The following WDFY4 variants were observed in gnomAD, a reference collection of about 807,000 sequenced individuals.
WDFY4 encodes the protein WD repeat- and FYVE domain-containing protein 4.
In WDFY4, 169 loss-of-function variants were observed where a neutral mutation model predicts 351.9. That is an observed-to-expected ratio of 0.48 (90% confidence interval 0.42 to 0.55). The LOEUF (loss-of-function observed/expected upper bound fraction) is 0.55. Among genes scored for constraint, WDFY4 ranks in the 20% least tolerant of loss-of-function variants. WDFY4 has a pLI of 0.00. For missense variants in WDFY4, 3,803 were observed against 3,935.6 expected, an observed-to-expected ratio of 0.97 and a Z score of 0.90; for synonymous variants, 1,622 against 1,574.6, an observed-to-expected ratio of 1.03 and a Z score of -0.71.
chr10:48,711,999 G>A (rs971236947), intron 2 of WDFY4, among the ~76,000 whole-genome samples: 3 of 152,284 alleles, frequency 2.0e-5, no homozygotes, highest in African/African-American at 7.2e-5. Context: ...CACCGTACAG[G>A]CATGTGAGCT....
chr10:48,889,848 G>A (rs73294649), intron 43 of WDFY4, among the ~76,000 whole-genome samples: 5,052 of 152,318 alleles, frequency 0.033, 274 homozygotes, highest in African/African-American at 0.12. Flanking sequence ...CTAGGTTTGG[G>A]ATGGTTGTTT....
intron 47 of WDFY4, among the ~76,000 whole-genome samples, chr10:48,939,669 A>T (rs1429596961): frequency 6.6e-6 from 1 of 152,260 alleles, no homozygotes; most frequent in East Asian, 1.9e-4. Context: ...AAATTCACAT[A>T]GATCATTTTA....
At chr10:48,762,885 G>A (rs761656207) in intron 13 of WDFY4, among the ~76,000 whole-genome samples, 9 of 152,360 alleles carry the variant, frequency 5.9e-5, no homozygotes, top group South Asian at 4.1e-4. Context: ...TCAGGGGCTC[G>A]GCTTAGACTT....
In WDFY4 at chr10:48,860,747, A is replaced by AT. The variant is rs3080348; in HGVS notation, c.6664-6512dup. On this transcript the variant is annotated intron_variant, in intron 39 of 61. Coordinates refer to ENST00000325239, the MANE Select transcript of WDFY4 (RefSeq NM_001394531.1). ...TTTTCAATTTCATTAAATTTAATGT[A>AT]TTTTTTAAAAAATTTATTTTGAGAC... is the stretch of plus-strand genomic sequence containing the variant. Among the ~76,000 whole-genome samples the AT allele has an allele frequency of 2.6e-5, 4 of 152,300 alleles. No homozygotes were observed. The East Asian group carries it at 7.7e-4, about 29-fold the overall frequency.
chr10:48,927,501 T>C (rs908299581), intron 47 of WDFY4, among the ~76,000 whole-genome samples: 1 of 152,202 alleles, frequency 6.6e-6, no homozygotes, highest in African/African-American at 2.4e-5. Flanking sequence ...AAGTAGCAAA[T>C]GGAGTGTCTG....
intron 48 of WDFY4, among the ~76,000 whole-genome samples, chr10:48,942,807 A>G (rs1840847705): frequency 6.6e-6 from 1 of 152,052 alleles, no homozygotes; most frequent in Admixed American, 6.6e-5. Context: ...TCCATTTGTG[A>G]CTGTTCATCT....
chr10:48,936,534 G>A (rs1840369331), intron 47 of WDFY4, among the ~76,000 whole-genome samples: 1 of 152,018 alleles, frequency 6.6e-6, no homozygotes, highest in Non-Finnish European at 1.5e-5. Context: ...ATGTAAAACC[G>A]TATGAAAATT....
chr10:48,807,829 T>C, intron 27 of WDFY4, 30 bp from the exon 28 acceptor site: 1 of 1,547,232 alleles, frequency 6.5e-7, no homozygotes, highest in Non-Finnish European at 8.7e-7. Context: ...TTACATCCAT[T>C]TTCTCTCAAA....
Position 48,897,722 on chromosome 10 carries a change from T to C in WDFY4, c.7437+148T>C. 3 of 1,303,468 alleles carry C rather than the reference T, an allele frequency of 2.3e-6. No homozygotes were observed. The South Asian group carries it at 4.8e-5, about 21-fold the overall frequency. The allele number at this position is 1,303,468 out of a possible 1,614,324, so 80.7% of individuals were successfully genotyped here. A position where few individuals can be genotyped will look rare whatever the true frequency, so the allele number is the denominator to read the frequency against. On this transcript the variant is annotated intron_variant, in intron 45 of 61. Transcript: ENST00000325239. ...TGCCCTTAAGGAGACACCCGCAAGTTCCCTGGGCTTGTGGTGGCCCTGGTC... is the reference window on the plus strand; with the variant it reads ...TGCCCTTAAGGAGACACCCGCAAGTCCCCTGGGCTTGTGGTGGCCCTGGTC...
rs201015121 is a variant in WDFY4, at chr10:48,727,594, C to T, written c.906C>T (p.Ser302=). The T allele has an allele frequency of 6.3e-5, 98 of 1,551,904 alleles. No individual in the cohort carries two copies. The South Asian group carries it at 1.1e-3, about 17-fold the overall frequency. ...LGFVKDSYPV[S]SALFLEFENS... The stretch of plus-strand genomic sequence containing the variant: ...TCGTGAAGGACTCCTACCCCGTCTC[C>T]TCGGCTCTGTTCCTGGAGTTTGAGA... Residue 302 remains serine, a synonymous_variant, in exon 7 of 62, where the codon TCC becomes TCT. Coordinates refer to ENST00000325239, the MANE Select transcript of WDFY4 (RefSeq NM_001394531.1).
intron 6 of WDFY4, 77 bp from the exon 7 acceptor site, chr10:48,727,393 G>C: frequency 7.2e-7 from 1 of 1,385,660 alleles, no homozygotes; most frequent in Non-Finnish European, 9.9e-7. Context: ...GTTTGGAGTA[G>C]GGGAGGTAGG....
In WDFY4 at chr10:48,806,114, G is replaced by C. The variant is rs1303565739; in HGVS notation, c.4738+19G>C. Reference sequence around the variant, plus strand: ...CTGCCTGGTGAGAAGACCTTTGCCAGTTCGAAGGCAGTAGGACGGCCCTCA... The same window carrying C: ...CTGCCTGGTGAGAAGACCTTTGCCACTTCGAAGGCAGTAGGACGGCCCTCA... On this transcript the variant is annotated intron_variant, in intron 27 of 61. Coordinates refer to ENST00000325239, the MANE Select transcript of WDFY4 (RefSeq NM_001394531.1). 1 of 1,550,968 alleles carries C rather than the reference G, an allele frequency of 6.4e-7. No homozygotes were observed. Among genetic ancestry groups the C allele is most frequent in the African/African-American group, 1.4e-5 (1 of 73,042 alleles).
chr10:48,834,342 G>A (rs2068304210), intron 39 of WDFY4, among the ~76,000 whole-genome samples: 1 of 152,142 alleles, frequency 6.6e-6, no homozygotes, highest in African/African-American at 2.4e-5. Context: ...CCATCTTTGT[G>A]CTGCTGAGGA....
At chr10:48,713,771 G>A (rs1200053689) in intron 2 of WDFY4, among the ~76,000 whole-genome samples, 1 of 152,178 alleles carries the variant, frequency 6.6e-6, no homozygotes, top group Non-Finnish European at 1.5e-5. Flanking sequence ...CTGATCTAGG[G>A]TCAGATCCTT....
intron 47 of WDFY4, chr10:48,913,838 G>C (rs768587114): frequency 6.2e-7 from 1 of 1,614,104 alleles, no homozygotes; most frequent in South Asian, 1.1e-5. Context: ...TGGTCAGCCG[G>C]TTGTTGCTGA....
chr10:48,890,379 C>A (rs934239758), intron 43 of WDFY4, among the ~76,000 whole-genome samples, 200 bp from the exon 44 acceptor site: 2 of 152,144 alleles, frequency 1.3e-5, no homozygotes, highest in South Asian at 2.1e-4. Flanking sequence ...GATCAGACAC[C>A]AGCCCAGGTG....
chr10:48,778,026 A>G (rs1284405688), intron 17 of WDFY4, among the ~76,000 whole-genome samples: 2 of 152,206 alleles, frequency 1.3e-5, no homozygotes, highest in Non-Finnish European at 2.9e-5. Context: ...ATCTTTGGCA[A>G]GTGGCTTCTA....
At chr10:48,913,158 T>C (rs1203353832) in intron 47 of WDFY4, among the ~76,000 whole-genome samples, 1 of 152,210 alleles carries the variant, frequency 6.6e-6, no homozygotes, top group Non-Finnish European at 1.5e-5. Flanking sequence ...TCACTGTGCC[T>C]GTACTTGTGA....
Position 48,811,527 on chromosome 10 carries a change from C to A in WDFY4, c.5045-12C>A, listed in dbSNP as rs1233473648. Reference sequence around the variant, plus strand: ...TCAGCTGACTTTTGTGCCCCCTTTGCCTGATCAATAGACAACCTGAAGAGC... The same window carrying A: ...TCAGCTGACTTTTGTGCCCCCTTTGACTGATCAATAGACAACCTGAAGAGC... On this transcript the variant is annotated splice_polypyrimidine_tract_variant and intron_variant, in intron 29 of 61. Coordinates refer to ENST00000325239, the MANE Select transcript of WDFY4 (RefSeq NM_001394531.1). 3 of 1,551,824 alleles carry A rather than the reference C, an allele frequency of 1.9e-6. No homozygotes were observed. Among genetic ancestry groups the A allele is most frequent in the Non-Finnish European group, 2.6e-6 (3 of 1,146,892 alleles).
Sources: gnomAD v4.1 joint callset for allele counts (sites outside exome capture counted in the v4.1 genomes callset) on GRCh38, gnomAD v4.1.1 for gene constraint, MANE v1.5 for transcripts, NCBI Gene and HGNC (gene_info 2026-07-23, HGNC 2026-07-21) for gene names.